GALNT18: variants seen among roughly 807,000 people sequenced by gnomAD.
GALNT18 encodes polypeptide N-acetylgalactosaminyltransferase 18, also known as GalNAc-transferase 18.
A neutral mutation model predicts 69.5 loss-of-function variants in GALNT18; 44 were observed. That is an observed-to-expected ratio of 0.63 (90% CI 0.50 to 0.81). The LOEUF is 0.81. Among genes scored for constraint, GALNT18 ranks in the 40% least tolerant of loss-of-function variants. GALNT18 has a pLI of 0.00. For missense variants in GALNT18, 715 were observed against 810.0 expected, an observed-to-expected ratio of 0.88 and a Z score of 1.42; for synonymous variants, 364 against 318.2, an observed-to-expected ratio of 1.14 and a Z score of -1.53.
chr11:11,295,670 G>C (rs1032065628), intron 9 of GALNT18, among the ~76,000 whole-genome samples: 1 of 151,834 alleles, frequency 6.6e-6, no homozygotes, highest in African/African-American at 2.4e-5. Context: ...CTGGAGGGAG[G>C]AGCAGAAGAC....
intron 10 of GALNT18, among the ~76,000 whole-genome samples, chr11:11,273,131 C>G (rs1303374386): frequency 6.6e-6 from 1 of 152,194 alleles, no homozygotes; most frequent in Non-Finnish European, 1.5e-5. Context: ...CACTCCAGGA[C>G]ATTGATCTGG....
chr11:11,402,518 G>A lies in GALNT18; in HGVS notation c.596-23254C>T, dbSNP rs1317422852. On this transcript the variant is annotated intron_variant, in intron 3 of 10. Transcript: ENST00000227756. The surrounding 1 kb of genome is among the most constrained non-coding windows in gnomAD (Gnocchi z 4.0). ...AATGATGAGCTTCTTTTGTCAAGGT[G>A]TCCATAGGCCTCTGCTCAGGGCATG... 6.6e-6 allele frequency among the ~76,000 whole-genome samples: 1 copy of A among 152,216 alleles called. No individual in the cohort carries two copies. The highest frequency in any genetic ancestry group is 6.5e-5 in the Admixed American group (1 of 15,292).
intron 1 of GALNT18, among the ~76,000 whole-genome samples, chr11:11,575,524 C>T (rs1012720079): frequency 6.6e-6 from 1 of 152,236 alleles, no homozygotes; most frequent in African/African-American, 2.4e-5. Flanking sequence ...CCAGGCCCTC[C>T]TCCCTTTGAA....
chr11:11,621,323 C>T lies in GALNT18; in HGVS notation c.235+36G>A, dbSNP rs1860186324. On this transcript the variant is annotated intron_variant, in intron 1 of 10. Transcript: ENST00000227756. This position sits in a 1 kb window ranked among gnomAD's most constrained non-coding sequence, Gnocchi z 9.3. ...CCGCGCCGCGCGGGGCACTCCCGGG[C>T]CTCATGGGCGACCCAAGTTTCCGGG... 2.5e-6 allele frequency: 4 copies of T among 1,581,944 alleles called. No homozygotes were observed. Among genetic ancestry groups the T allele is most frequent in the Non-Finnish European group, 1.7e-6 (2 of 1,153,306 alleles).
intron 3 of GALNT18, among the ~76,000 whole-genome samples, chr11:11,422,483 G>A (rs760499745): frequency 6.6e-6 from 1 of 152,234 alleles, no homozygotes; most frequent in Non-Finnish European, 1.5e-5. Context: ...TGAACGGGCT[G>A]ACAGCCCATG....
intron 1 of GALNT18, among the ~76,000 whole-genome samples, chr11:11,529,919 C>T (rs1180421053): frequency 1.3e-5 from 2 of 152,146 alleles, no homozygotes; most frequent in African/African-American, 4.8e-5. Flanking sequence ...TCTACAGAAA[C>T]ATTCCTGCAT....
intron 1 of GALNT18, among the ~76,000 whole-genome samples, chr11:11,514,785 G>A (rs576980431): frequency 6.6e-6 from 1 of 152,318 alleles, no homozygotes; most frequent in Admixed American, 6.5e-5. Context: ...GCAGAGGCAG[G>A]AGCAACCAGA....
At position 11,271,286 on chromosome 11, in the gene GALNT18, C is replaced by T. The variant is rs1375128831; in HGVS notation, c.1682G>A (p.Gly561Glu). ...CTTAGACTTGCGGTTCTGGATGGGT[C>T]CTCCCTAGGGGCCAGGGCAGACAGT... is the stretch of plus-strand genomic sequence containing the variant. ...MKLHWQFSQG[G>E]PIQNRKSKRC... The change falls in exon 11 of 11, where the codon GGA becomes GAA. Residue 561 changes from glycine (G) to glutamate (E), a missense_variant. Transcript: ENST00000227756. 6.2e-7 allele frequency: 1 copy of T among 1,613,686 alleles called. No homozygotes were observed. The highest frequency in any genetic ancestry group is 8.5e-7 in the Non-Finnish European group (1 of 1,179,778).
chr11:11,518,428 A>G (rs2133923934), intron 1 of GALNT18, among the ~76,000 whole-genome samples: 1 of 152,330 alleles, frequency 6.6e-6, no homozygotes, highest in East Asian at 1.9e-4. Context: ...GTCCTATGGA[A>G]TTATTAATTG....
Position 11,465,735 on chromosome 11 carries a change from G to C in GALNT18, c.236-16799C>G, listed in dbSNP as rs1856141316. On this transcript the variant is annotated intron_variant, in intron 1 of 10. Coordinates refer to ENST00000227756, the MANE Select transcript of GALNT18 (RefSeq NM_198516.3). This position sits in a 1 kb window ranked among gnomAD's most constrained non-coding sequence, Gnocchi z 5.7. ...TGGACCATGGACCTGGGCAAGGTCA[G>C]CTGGCTCCATATTAACCTCTTCTCC... 6.6e-6 allele frequency among the ~76,000 whole-genome samples: 1 copy of C among 152,154 alleles called. No individual in the cohort carries two copies. The highest frequency in any genetic ancestry group is 6.5e-5 in the Admixed American group (1 of 15,282).
chr11:11,473,900 A>C (rs1231557515), intron 1 of GALNT18, among the ~76,000 whole-genome samples: 1 of 152,168 alleles, frequency 6.6e-6, no homozygotes, highest in Non-Finnish European at 1.5e-5. Context: ...CTCAGTCTCT[A>C]CCAAAAATAC....
At chr11:11,567,806 C>G (rs540226998) in intron 1 of GALNT18, among the ~76,000 whole-genome samples, 1 of 152,232 alleles carries the variant, frequency 6.6e-6, no homozygotes, top group Non-Finnish European at 1.5e-5. Context: ...CTTTCTGTCT[C>G]CAAAGACTAT....
At position 11,538,597 on chromosome 11, in the gene GALNT18, G is replaced by A. The variant is rs556285840; in HGVS notation, c.235+82762C>T. Among the ~76,000 whole-genome samples, 9 of 152,304 alleles carry A rather than the reference G, an allele frequency of 5.9e-5. No individual in the cohort carries two copies. In the South Asian group the frequency reaches 8.3e-4, roughly 14 times the overall value. Reference sequence around the variant, plus strand: ...TCGCGGCACTCCTCTCAGGGGCCTCGTCAGCAGCTCCTATCTGGGGATGAA... The same window carrying A: ...TCGCGGCACTCCTCTCAGGGGCCTCATCAGCAGCTCCTATCTGGGGATGAA... On this transcript the variant is annotated intron_variant, in intron 1 of 10. Transcript: ENST00000227756. The surrounding 1 kb of genome is among the most constrained non-coding windows in gnomAD (Gnocchi z 5.2).
intron 3 of GALNT18, among the ~76,000 whole-genome samples, chr11:11,401,061 CA>C (rs1413536919): frequency 6.6e-6 from 1 of 152,066 alleles, no homozygotes; most frequent in Non-Finnish European, 1.5e-5. Context: ...GAGACGAGAT[CA>C]GGGGAAGACT....
chr11:11,374,778 T>C (rs1250594427), intron 5 of GALNT18, among the ~76,000 whole-genome samples: 1 of 152,212 alleles, frequency 6.6e-6, no homozygotes, highest in Non-Finnish European at 1.5e-5. Flanking sequence ...GAACCATAAA[T>C]AGATAAATGT....
At position 11,605,586 on chromosome 11, in the gene GALNT18, T is replaced by C. The variant is rs1859733643; in HGVS notation, c.235+15773A>G. On this transcript the variant is annotated intron_variant, in intron 1 of 10. Transcript: ENST00000227756. This position sits in a 1 kb window ranked among gnomAD's most constrained non-coding sequence, Gnocchi z 4.7. Reference sequence around the variant, plus strand: ...CCTTTACCTCTGGGGTCCCAAGCACTCTGTTTCCTTTCTTGAAAATGAAGC... The same window carrying C: ...CCTTTACCTCTGGGGTCCCAAGCACCCTGTTTCCTTTCTTGAAAATGAAGC... 6.6e-6 allele frequency among the ~76,000 whole-genome samples: 1 copy of C among 152,176 alleles called. No individual in the cohort carries two copies. The highest frequency in any genetic ancestry group is 1.5e-5 in the Non-Finnish European group (1 of 68,040).
At chr11:11,579,990 G>T (rs7103589) in intron 1 of GALNT18, among the ~76,000 whole-genome samples, 94,864 of 152,144 alleles carry the variant, frequency 0.62, 29,744 homozygotes, top group East Asian at 0.76. Context: ...TGGCTTCCTA[G>T]AGGATGAGAG....
chr11:11,377,423 G>A lies in GALNT18; in HGVS notation c.780-44C>T. On this transcript the variant is annotated intron_variant, in intron 4 of 10. Coordinates refer to ENST00000227756, the MANE Select transcript of GALNT18 (RefSeq NM_198516.3). The surrounding 1 kb of genome is among the most constrained non-coding windows in gnomAD (Gnocchi z 4.6). ...GCCAGAGAGGGTAACCATTTCCAAG[G>A]TGGAAAAATCCAGAGTAGCATCTCC... 1.3e-6 allele frequency: 2 copies of A among 1,587,456 alleles called. No homozygotes were observed. Among genetic ancestry groups the A allele is most frequent in the Non-Finnish European group, 1.7e-6 (2 of 1,157,580 alleles).
Position 11,332,939 on chromosome 11 carries a change from G to GA in GALNT18, c.1279-109_1279-108insT, listed in dbSNP as rs969324235. On this transcript the variant is annotated intron_variant, in intron 7 of 10. Transcript: ENST00000227756. This position sits in a 1 kb window ranked among gnomAD's most constrained non-coding sequence, Gnocchi z 4.3. ...CCCCCAACAAGATTCCTAGAGACTG[G>GA]GGAAGGGACCATGTGGCACGTTAAC... 1.5e-5 allele frequency: 19 copies of GA among 1,234,938 alleles called. No individual in the cohort carries two copies. Among genetic ancestry groups the GA allele is most frequent in the Non-Finnish European group, 2.2e-5 (19 of 864,228 alleles). 76.5% of individuals were successfully genotyped at this position (1,234,938 alleles called of 1,614,324 possible).
Sources: gnomAD v4.1 joint callset for allele counts (sites outside exome capture counted in the v4.1 genomes callset) on GRCh38, gnomAD v4.1.1 for gene constraint, Gnocchi (gnomAD v3.1) non-coding constraint, MANE v1.5 for transcripts, NCBI Gene and HGNC (gene_info 2026-07-23, HGNC 2026-07-21) for gene names.